Variants in FAF1 observed in about 807,000 individuals in gnomAD.
FAF1 encodes the protein FAS-associated factor 1.
Under a neutral mutation model 92.5 loss-of-function variants are expected in FAF1, and 25 were observed. That is an observed-to-expected ratio of 0.27 (90% CI 0.20 to 0.38). The LOEUF (loss-of-function observed/expected upper bound fraction) is 0.38. FAF1 is among the 10% of genes least tolerant of loss of function. The probability of loss-of-function intolerance (pLI) is 1.00; values close to 1 mark genes in which losing one functional copy is unlikely to be tolerated. For synonymous variants in FAF1, 234 were observed against 273.2 expected, an observed-to-expected ratio of 0.86 and a Z score of 1.42; for missense variants, 636 against 793.3, an observed-to-expected ratio of 0.80 and a Z score of 2.38.
chr1:50,493,572 G>A (rs1646864649), intron 15 of FAF1, among the ~76,000 whole-genome samples: 1 of 151,978 alleles, frequency 6.6e-6, no homozygotes, highest in South Asian at 2.1e-4. Flanking sequence ...TACCATAATT[G>A]TAATTAATTA....
intron 15 of FAF1, among the ~76,000 whole-genome samples, chr1:50,497,238 A>C (rs1358493463): frequency 2.0e-5 from 3 of 152,176 alleles, no homozygotes; most frequent in African/African-American, 7.2e-5. Flanking sequence ...CTGAGAAGAC[A>C]ATTGGGCAAC....
intron 1 of FAF1, among the ~76,000 whole-genome samples, chr1:50,894,669 C>T (rs549948179): frequency 6.6e-6 from 1 of 151,904 alleles, no homozygotes; most frequent in East Asian, 1.9e-4. Flanking sequence ...ATATAAAGTA[C>T]CTTCTCTGAC....
At chr1:50,815,563 C>T (rs536939249) in intron 2 of FAF1, among the ~76,000 whole-genome samples, 2 of 152,070 alleles carry the variant, frequency 1.3e-5, no homozygotes, top group Non-Finnish European at 2.9e-5. Context: ...GGATATATAC[C>T]TAGTAATAGC....
chr1:50,633,416 G>C (rs1653875335), intron 8 of FAF1, among the ~76,000 whole-genome samples: 1 of 152,158 alleles, frequency 6.6e-6, no homozygotes. Context: ...GGCTGGTGTT[G>C]GTATGAAGTG....
chr1:50,642,242 T>G (rs958792263), intron 8 of FAF1, among the ~76,000 whole-genome samples: 1 of 151,902 alleles, frequency 6.6e-6, no homozygotes, highest in African/African-American at 2.4e-5. Context: ...CTGTATCTTT[T>G]CTGATGTCAC....
chr1:50,734,499 C>G (rs140150203), intron 6 of FAF1, among the ~76,000 whole-genome samples: 1 of 152,090 alleles, frequency 6.6e-6, no homozygotes, highest in African/African-American at 2.4e-5. Flanking sequence ...CTTTGGGAAG[C>G]CGAGGCGGGT....
At chr1:50,947,476 C>T (rs1271628227) in intron 1 of FAF1, among the ~76,000 whole-genome samples, 2 of 152,186 alleles carry the variant, frequency 1.3e-5, no homozygotes, top group African/African-American at 4.8e-5. Flanking sequence ...GTTAATTTTA[C>T]CAGACTGCTT....
intron 4 of FAF1, among the ~76,000 whole-genome samples, chr1:50,755,429 C>A (rs889689815): frequency 6.6e-6 from 1 of 152,218 alleles, no homozygotes; most frequent in Non-Finnish European, 1.5e-5. Context: ...TTGGGCAGCT[C>A]CGCCCTTGTG....
chr1:50,560,093 G>A (rs1346726130), intron 13 of FAF1, among the ~76,000 whole-genome samples: 1 of 152,148 alleles, frequency 6.6e-6, no homozygotes, highest in Non-Finnish European at 1.5e-5. Context: ...CTCCACACCT[G>A]AGCTATATTT....
chr1:50,788,395 TC>T (rs1290156407), intron 3 of FAF1, among the ~76,000 whole-genome samples, 190 bp from the exon 4 acceptor site: 3 of 152,332 alleles, frequency 2.0e-5, no homozygotes, highest in African/African-American at 7.2e-5. Flanking sequence ...CACATTACTC[TC>T]CTTCCCATCC....
intron 7 of FAF1, among the ~76,000 whole-genome samples, chr1:50,700,370 A>T (rs1178359049): frequency 6.6e-6 from 1 of 152,020 alleles, no homozygotes; most frequent in African/African-American, 2.4e-5. Context: ...CGGCCTTTGT[A>T]ATTCTAGTAA....
intron 12 of FAF1, among the ~76,000 whole-genome samples, chr1:50,575,652 G>A (rs1650696520): frequency 6.6e-6 from 1 of 152,048 alleles, no homozygotes; most frequent in African/African-American, 2.4e-5. Flanking sequence ...TCACACATGT[G>A]CAGGATGCTG....
At chr1:50,458,115 C>T (rs970685067) in intron 18 of FAF1, among the ~76,000 whole-genome samples, 4 of 151,688 alleles carry the variant, frequency 2.6e-5, no homozygotes, top group Admixed American at 6.6e-5. Context: ...TGGGAGACTG[C>T]GGCAGGAGAA....
At chr1:50,604,770 C>T (rs1652300805) in intron 8 of FAF1, among the ~76,000 whole-genome samples, 1 of 152,118 alleles carries the variant, frequency 6.6e-6, no homozygotes, top group Admixed American at 6.6e-5. Context: ...CCTGGGCTCC[C>T]CCTTTTGGCC....
At chr1:50,848,112 G>C (rs1293240725) in intron 2 of FAF1, among the ~76,000 whole-genome samples, 1 of 151,942 alleles carries the variant, frequency 6.6e-6, no homozygotes, top group African/African-American at 2.4e-5. Flanking sequence ...GAAAGAATAT[G>C]CCAGACAAAA....
chr1:50,709,137 C>T (rs541829705), intron 6 of FAF1, among the ~76,000 whole-genome samples: 46 of 152,250 alleles, frequency 3.0e-4, no homozygotes, highest in African/African-American at 1.1e-3. Flanking sequence ...TGTCTGACAT[C>T]CCCTCATGTC....
At chr1:50,657,625 G>A (rs544344330) in intron 7 of FAF1, among the ~76,000 whole-genome samples, 44 of 152,306 alleles carry the variant, frequency 2.9e-4, no homozygotes, top group South Asian at 1.9e-3. Context: ...ATGCATTTAT[G>A]TTTTAAAAAT....
At chr1:50,747,118 A>AC (rs753725850) in intron 4 of FAF1, among the ~76,000 whole-genome samples, 9 of 152,058 alleles carry the variant, frequency 5.9e-5, no homozygotes, top group Non-Finnish European at 7.4e-5. Flanking sequence ...GTGAGGTTGG[A>AC]CCCCCACACA....
At chr1:50,741,197 A>G (rs1031719069) in intron 5 of FAF1, among the ~76,000 whole-genome samples, 1 of 152,236 alleles carries the variant, frequency 6.6e-6, no homozygotes, top group African/African-American at 2.4e-5. Flanking sequence ...AGGTAACCTT[A>G]AGCTGAGACT....
Sources: gnomAD v4.1 joint callset for allele counts (sites outside exome capture counted in the v4.1 genomes callset) on GRCh38, gnomAD v4.1.1 for gene constraint, MANE v1.5 for transcripts, NCBI Gene and HGNC (gene_info 2026-07-23, HGNC 2026-07-21) for gene names.